The following NDRG3 variants were observed in gnomAD, a reference collection of about 807,000 sequenced individuals.
The protein encoded by NDRG3 is protein NDRG3.
A neutral mutation model predicts 57.2 loss-of-function variants in NDRG3; 23 were observed. The observed-to-expected ratio is 0.40, with a 90% CI of 0.29 to 0.57. The LOEUF (loss-of-function observed/expected upper bound fraction) is 0.57. NDRG3 is among the 20% of genes least tolerant of loss of function. The probability of loss-of-function intolerance (pLI) is 0.42; values close to 1 mark genes in which losing one functional copy is unlikely to be tolerated. For synonymous variants in NDRG3, 132 were observed against 162.6 expected (o/e 0.81, Z 1.43); for missense variants, 384 against 457.3 (o/e 0.84, Z 1.46).
intron 2 of NDRG3, among the ~76,000 whole-genome samples, chr20:36,714,087 G>T (rs189728750): frequency 2.8e-4 from 43 of 151,918 alleles, no homozygotes; most frequent in Admixed American, 1.7e-3. Context: ...ATAATAAATC[G>T]GTGTATTAAA....
chr20:36,657,568 G>T (rs1353690120), intron 13 of NDRG3, among the ~76,000 whole-genome samples: 2 of 152,110 alleles, frequency 1.3e-5, no homozygotes, highest in South Asian at 2.1e-4. Context: ...CGTTTTTAGG[G>T]CATGTTGGCC....
rs778925614 is a variant in NDRG3 at position 36,665,002 on chromosome 20, A to C, written c.810+44T>G. 2.5e-6 allele frequency: 4 copies of C among 1,591,562 alleles called. No homozygotes were observed. In the East Asian group the frequency reaches 6.7e-5, roughly 27 times the overall value. On this transcript the variant is annotated intron_variant, in intron 12 of 15. Transcript: ENST00000349004. ...CTGCACCTGGCCTACACATTTTATT[A>C]CATTTTGATCTCATTCATCTTCACA...
intron 8 of NDRG3, among the ~76,000 whole-genome samples, chr20:36,677,219 A>G (rs998625530): frequency 5.9e-5 from 9 of 151,834 alleles, no homozygotes; most frequent in Admixed American, 1.3e-4. Flanking sequence ...TGCAGCCTGC[A>G]CCCTTGGGCG....
At chr20:36,714,397 T>G (rs1600943366) in intron 2 of NDRG3, among the ~76,000 whole-genome samples, 1 of 112,198 alleles carries the variant, frequency 8.9e-6, no homozygotes. Context: ...AGAGCAAGAC[T>G]CCAACTCAAA....
chr20:36,693,834 GT>G (rs909912863), intron 3 of NDRG3, among the ~76,000 whole-genome samples: 6 of 151,676 alleles, frequency 4.0e-5, no homozygotes, highest in Non-Finnish European at 8.8e-5. Context: ...ATTATGGTGA[GT>G]TGCACGATTA....
intron 8 of NDRG3, among the ~76,000 whole-genome samples, chr20:36,675,576 G>C (rs1568632877): frequency 6.6e-6 from 1 of 151,908 alleles, no homozygotes; most frequent in East Asian, 1.9e-4. Context: ...AGTAGAGACG[G>C]GGTTTCTCCA....
At chr20:36,740,595 G>T (rs966375278) in intron 1 of NDRG3, among the ~76,000 whole-genome samples, 1 of 152,310 alleles carries the variant, frequency 6.6e-6, no homozygotes, top group African/African-American at 2.4e-5. Context: ...GCCCGCCTCG[G>T]ACTCCTAAAG....
intron 1 of NDRG3, among the ~76,000 whole-genome samples, chr20:36,730,853 A>G (rs1985239470): frequency 6.6e-6 from 1 of 151,424 alleles, no homozygotes; most frequent in Non-Finnish European, 1.5e-5. Flanking sequence ...CATGAGAATC[A>G]CTTAAAACTG....
intron 1 of NDRG3, among the ~76,000 whole-genome samples, chr20:36,723,659 AGTGTGTGT>A (rs36022065): frequency 1.1e-4 from 15 of 132,928 alleles, no homozygotes; most frequent in Non-Finnish European, 1.4e-4. Flanking sequence ...ATATTAGTCT[AGTGTGTGT>A]GTGTGTGTGT....
At chr20:36,682,723 C>A in intron 6 of NDRG3, 145 bp from the exon 7 acceptor site, 1 of 671,926 alleles carries the variant, frequency 1.5e-6, no homozygotes, top group East Asian at 2.8e-5. Flanking sequence ...TTTTTCTTTC[C>A]CCTAACTTTC....
At chr20:36,682,970 C>T (rs922936557) in intron 6 of NDRG3, among the ~76,000 whole-genome samples, 4 of 151,606 alleles carry the variant, frequency 2.6e-5, no homozygotes, top group South Asian at 2.1e-4. Context: ...AGGCTGGGCA[C>T]GGTGGCTCAC....
chr20:36,663,159 G>GT, intron 12 of NDRG3, among the ~76,000 whole-genome samples: 1 of 152,180 alleles, frequency 6.6e-6, no homozygotes, highest in Non-Finnish European at 1.5e-5. Context: ...TCTGGGGAAT[G>GT]TTTTTTGAGG....
rs200747256 is a variant in NDRG3 at position 36,687,529 on chromosome 20, G to A, written c.283C>T (p.Pro95Ser). 61 of 1,613,902 alleles carry A rather than the reference G, an allele frequency of 3.8e-5. 2 individuals are homozygous for A. In the South Asian group the frequency reaches 6.5e-4, roughly 17 times the overall value. Reference protein sequence around the residue: ...QHFAVCHVDAPGQQEGAPSFP... With the variant: ...QHFAVCHVDASGQQEGAPSFP... ...GAGGGTGCACCTTCCTGCTGGCCTGGGGCATCCACATGACAGACAGCAAAG... is the reference window on the plus strand; with the variant it reads ...GAGGGTGCACCTTCCTGCTGGCCTGAGGCATCCACATGACAGACAGCAAAG... Residue 95 changes from proline to serine, a missense_variant, in exon 5 of 16, where the codon CCA (proline) becomes TCA (serine). Transcript: ENST00000349004.
At chr20:36,737,219 T>A (rs934916270) in intron 1 of NDRG3, among the ~76,000 whole-genome samples, 7 of 152,074 alleles carry the variant, frequency 4.6e-5, no homozygotes, top group Non-Finnish European at 1.0e-4. Flanking sequence ...AGCGGAAGTT[T>A]TAACACAGGA....
chr20:36,726,890 C>G (rs1213870140), intron 1 of NDRG3, among the ~76,000 whole-genome samples: 1 of 151,784 alleles, frequency 6.6e-6, no homozygotes, highest in Non-Finnish European at 1.5e-5. Context: ...TCATAACAAT[C>G]CTCTCTGGTA....
intron 1 of NDRG3, among the ~76,000 whole-genome samples, chr20:36,744,697 G>C (rs1184475162): frequency 6.6e-6 from 1 of 152,144 alleles, no homozygotes; most frequent in Non-Finnish European, 1.5e-5. Flanking sequence ...TGTTCATTTG[G>C]AACTTTAAAT....
chr20:36,666,062 A>G (rs765576397), intron 10 of NDRG3, among the ~76,000 whole-genome samples: 16 of 152,172 alleles, frequency 1.1e-4, no homozygotes, highest in Non-Finnish European at 2.1e-4. Context: ...CTAAAGAGAC[A>G]AGGTTCAAAA....
intron 1 of NDRG3, among the ~76,000 whole-genome samples, chr20:36,735,883 G>C (rs1985579576): frequency 6.6e-6 from 1 of 151,418 alleles, no homozygotes; most frequent in Non-Finnish European, 1.5e-5. Context: ...AGCTCAGGAG[G>C]CTGAGGCTTG....
intron 3 of NDRG3, among the ~76,000 whole-genome samples, chr20:36,697,551 T>C (rs1284930447): frequency 6.6e-6 from 1 of 152,000 alleles, no homozygotes; most frequent in African/African-American, 2.4e-5. Flanking sequence ...TACTAAAAAA[T>C]ACAAAAATTA....
Sources: allele counts gnomAD v4.1 joint callset (sites outside exome capture counted in the v4.1 genomes callset), GRCh38; gene constraint gnomAD v4.1.1; transcripts MANE v1.5; gene names NCBI Gene and HGNC (gene_info 2026-07-23, HGNC 2026-07-21).